POU2F1: variants seen among roughly 807,000 people sequenced by gnomAD.
POU2F1 encodes POU domain, class 2, transcription factor 1.
POU2F1 carries 16 observed loss-of-function variants against 84.9 expected under a neutral mutation model. That is an observed-to-expected ratio of 0.19 (90% CI 0.13 to 0.29). POU2F1 has a LOEUF of 0.29. Among genes scored for constraint, POU2F1 ranks in the 10% least tolerant of loss-of-function variants. POU2F1 has a pLI of 1.00. For synonymous variants in POU2F1, 368 were observed against 368.3 expected (o/e 1.00, Z 0.01); for missense variants, 738 against 942.6 (o/e 0.78, Z 2.84).
chr1:167,323,814 T>G (rs1656499922), intron 1 of POU2F1, among the ~76,000 whole-genome samples: 1 of 152,230 alleles, frequency 6.6e-6, no homozygotes, highest in Non-Finnish European at 1.5e-5. Context: ...TGCCTCAGCC[T>G]ACTGAGTAGT....
rs771891279 is a variant in POU2F1, at chr1:167,332,466, G to A, written c.62-4G>A. 1.3e-5 allele frequency: 21 copies of A among 1,606,052 alleles called. No individual in the cohort carries two copies. The highest frequency in any genetic ancestry group is 6.7e-5 in the African/African-American group (5 of 74,636). On this transcript the variant is annotated splice_region_variant and splice_polypyrimidine_tract_variant and intron_variant, in intron 1 of 15. Coordinates refer to ENST00000367866, the MANE Select transcript of POU2F1 (RefSeq NM_002697.4). ...AAACCTTATTCTCCTCTGATTTATTGCAGACTCAAGAATGAACAATCCGTC... is the reference window on the plus strand; with the variant it reads ...AAACCTTATTCTCCTCTGATTTATTACAGACTCAAGAATGAACAATCCGTC...
chr1:167,364,862 C>T (rs1659581129), intron 2 of POU2F1, among the ~76,000 whole-genome samples: 1 of 152,124 alleles, frequency 6.6e-6, no homozygotes, highest in Non-Finnish European at 1.5e-5. Flanking sequence ...AGCCATTACA[C>T]CCAGCCTCGC....
chr1:167,269,360 C>T (rs1652199922), intron 1 of POU2F1, among the ~76,000 whole-genome samples: 1 of 152,160 alleles, frequency 6.6e-6, no homozygotes. Context: ...TTGAGAAAAA[C>T]ATTGTCAGGT....
At chr1:167,327,279 T>C (rs534483934) in intron 1 of POU2F1, among the ~76,000 whole-genome samples, 20 of 152,306 alleles carry the variant, frequency 1.3e-4, no homozygotes, top group African/African-American at 4.8e-4. Context: ...TATCTCACAA[T>C]AACCTCATGA....
At chr1:167,323,375 T>C (rs978956121) in intron 1 of POU2F1, among the ~76,000 whole-genome samples, 7 of 152,200 alleles carry the variant, frequency 4.6e-5, no homozygotes, top group African/African-American at 1.4e-4. Context: ...AATGCCAGAT[T>C]GTTAGAGTGA....
chr1:167,328,760 C>G (rs941673105), intron 1 of POU2F1, among the ~76,000 whole-genome samples: 1 of 152,134 alleles, frequency 6.6e-6, no homozygotes, highest in Non-Finnish European at 1.5e-5. Flanking sequence ...CATGCACTGC[C>G]AATTAATATG....
chr1:167,311,888 C>T (rs1571277599), intron 1 of POU2F1, among the ~76,000 whole-genome samples: 1 of 150,976 alleles, frequency 6.6e-6, no homozygotes, highest in East Asian at 2.0e-4. Context: ...CTGCAGCCTC[C>T]ACCTCCTTGG....
rs555338189 is a variant in POU2F1 at position 167,335,878 on chromosome 1, A to G, written c.127+3343A>G. On this transcript the variant is annotated intron_variant, in intron 2 of 15. Transcript: ENST00000367866. ...GCTTATCCAGCCAACCTAGTTATAC[A>G]GCTGATCATTGAATAACATGGATTT... is the stretch of plus-strand genomic sequence containing the variant. Among the ~76,000 whole-genome samples, 18 of 152,374 alleles carry G rather than the reference A, an allele frequency of 1.2e-4. No homozygotes were observed. In the South Asian group the frequency reaches 3.1e-3, roughly 26 times the overall value.
At chr1:167,287,082 T>C (rs1391022201) in intron 1 of POU2F1, among the ~76,000 whole-genome samples, 1 of 152,200 alleles carries the variant, frequency 6.6e-6, no homozygotes, top group Non-Finnish European at 1.5e-5. Context: ...GATCCCTGTA[T>C]AGAGCTGTAA....
At chr1:167,236,347 T>C (rs7548996) in intron 1 of POU2F1, among the ~76,000 whole-genome samples, 136,176 of 151,922 alleles carry the variant, frequency 0.9, 62,301 homozygotes, top group East Asian at 1. Context: ...ATGATCCACC[T>C]GCCTTGGCCT....
chr1:167,235,324 T>C (rs1649367553), intron 1 of POU2F1, among the ~76,000 whole-genome samples: 1 of 152,270 alleles, frequency 6.6e-6, no homozygotes, highest in Admixed American at 6.5e-5. Context: ...CATGTACACT[T>C]ATATGCCAAT....
In POU2F1 at chr1:167,239,645, A is replaced by G. The variant is rs536003865; in HGVS notation, c.61+18687A>G. 1.3e-4 allele frequency among the ~76,000 whole-genome samples: 20 copies of G among 152,336 alleles called. No individual in the cohort carries two copies. The South Asian group carries it at 3.7e-3, about 28-fold the overall frequency. On this transcript the variant is annotated intron_variant, in intron 1 of 15. Transcript: ENST00000367866. ...AATACATAGCCCCTTGAAGAACAAT[A>G]TACTTAAAAAGTGATCACCTTAATA...
intron 1 of POU2F1, among the ~76,000 whole-genome samples, chr1:167,254,640 C>A (rs1441671019): frequency 1.3e-5 from 2 of 152,166 alleles, no homozygotes; most frequent in Admixed American, 1.3e-4. Context: ...ATGCTATAAT[C>A]AGAAACATTT....
intron 1 of POU2F1, among the ~76,000 whole-genome samples, chr1:167,225,762 T>G (rs1283818510): frequency 1.3e-5 from 2 of 152,250 alleles, no homozygotes; most frequent in Non-Finnish European, 2.9e-5. Flanking sequence ...CATGAATGTT[T>G]CCTTTGTACT....
Position 167,365,200 on chromosome 1 carries a change from C to T in POU2F1, c.128-267C>T, listed in dbSNP as rs1188869540. Among the ~76,000 whole-genome samples the T allele has an allele frequency of 2.6e-5, 4 of 152,204 alleles. No homozygotes were observed. In the East Asian group the frequency reaches 7.7e-4, roughly 29 times the overall value. ...GTTGCTGCATTCACATCTGAATTTTCACATACCATCTTATGATTGTAATTT... is the reference window on the plus strand; with the variant it reads ...GTTGCTGCATTCACATCTGAATTTTTACATACCATCTTATGATTGTAATTT... On this transcript the variant is annotated intron_variant, in intron 2 of 15. Transcript: ENST00000367866.
intron 7 of POU2F1, chr1:167,381,051 T>A (rs994896251): frequency 6.6e-6 from 1 of 152,156 alleles, no homozygotes; most frequent in Non-Finnish European, 1.5e-5. Context: ...TGGGTTTTCA[T>A]TGTTTAGGTA....
intron 1 of POU2F1, among the ~76,000 whole-genome samples, chr1:167,248,835 C>A (rs1650522679): frequency 6.6e-6 from 1 of 152,090 alleles, no homozygotes; most frequent in Non-Finnish European, 1.5e-5. Flanking sequence ...TGTATTAACT[C>A]CTTTAATTTT....
intron 7 of POU2F1, among the ~76,000 whole-genome samples, chr1:167,381,209 A>G (rs555030646): frequency 7.2e-5 from 11 of 152,216 alleles, no homozygotes; most frequent in African/African-American, 2.6e-4. Flanking sequence ...CAGCCTCCTG[A>G]GTAGCTGGGA....
chr1:167,300,148 G>A (rs750911785), intron 1 of POU2F1, among the ~76,000 whole-genome samples: 4 of 152,188 alleles, frequency 2.6e-5, no homozygotes, highest in Admixed American at 6.5e-5. Context: ...TACCCTAAGC[G>A]AGTTATTGCA....
Sources: gnomAD v4.1 joint callset for allele counts (sites outside exome capture counted in the v4.1 genomes callset) on GRCh38, gnomAD v4.1.1 for gene constraint, MANE v1.5 for transcripts, NCBI Gene and HGNC (gene_info 2026-07-23, HGNC 2026-07-21) for gene names.